Variants in PIP4K2A observed in about 807,000 individuals in gnomAD.
PIP4K2A encodes phosphatidylinositol-5-phosphate 4-kinase type 2 alpha, also known as phosphatidylinositol 5-phosphate 4-kinase type-2 alpha.
Under a neutral mutation model 42.9 loss-of-function variants are expected in PIP4K2A, and 14 were observed. The ratio of observed to expected loss-of-function variants is 0.33; its 90% CI spans 0.22 to 0.51. PIP4K2A has a LOEUF of 0.51. Ranked by LOEUF, PIP4K2A falls within the 20% of genes least tolerant of loss-of-function variation. PIP4K2A has a pLI of 0.97. For synonymous variants in PIP4K2A, 192 were observed against 192.2 expected (o/e 1.00, Z 0.01); for missense variants, 434 against 519.8 (o/e 0.83, Z 1.61).
intron 1 of PIP4K2A, among the ~76,000 whole-genome samples, chr10:22,634,162 T>C (rs1186997915): frequency 1.3e-5 from 2 of 152,232 alleles, no homozygotes; most frequent in Non-Finnish European, 1.5e-5. Context: ...CCTGAGCACC[T>C]GTGAAAACTG....
chr10:22,596,504 A>G (rs1837639149), intron 3 of PIP4K2A, among the ~76,000 whole-genome samples: 1 of 152,240 alleles, frequency 6.6e-6, no homozygotes, highest in Non-Finnish European at 1.5e-5. Context: ...TCTTCAACAC[A>G]GTCACTGTGC....
intron 1 of PIP4K2A, among the ~76,000 whole-genome samples, chr10:22,638,784 G>A (rs891743485): frequency 2.6e-5 from 4 of 152,164 alleles, no homozygotes; most frequent in Admixed American, 6.5e-5. Flanking sequence ...GAAGGACAAA[G>A]TCCAAAAATC....
chr10:22,596,204 T>TGAAAAAAAAA (rs1837630738), intron 3 of PIP4K2A, among the ~76,000 whole-genome samples: 1 of 3,152 alleles, frequency 3.2e-4, no homozygotes, highest in Non-Finnish European at 8.1e-4. Context: ...AAACTCCGTC[T>TGAAAAAAAAA]CAAAAAAAAA....
intron 6 of PIP4K2A, among the ~76,000 whole-genome samples, chr10:22,558,644 A>G (rs1168454059): frequency 2.6e-5 from 4 of 152,244 alleles, no homozygotes; most frequent in Non-Finnish European, 5.9e-5. Context: ...TCATGGTTTG[A>G]GAAATGATCT....
At chr10:22,617,375 T>C (rs1588666233) in intron 1 of PIP4K2A, among the ~76,000 whole-genome samples, 1 of 152,374 alleles carries the variant, frequency 6.6e-6, no homozygotes, top group East Asian at 1.9e-4. Flanking sequence ...CATCTCACAG[T>C]GTGACATTTA....
At chr10:22,570,795 A>G (rs1222758224) in intron 5 of PIP4K2A, among the ~76,000 whole-genome samples, 1 of 152,194 alleles carries the variant, frequency 6.6e-6, no homozygotes, top group Non-Finnish European at 1.5e-5. Flanking sequence ...AGTTTAGCAT[A>G]AGTCAAACAG....
chr10:22,664,136 TATATAC>T lies in PIP4K2A; in HGVS notation c.144+50041_144+50046del, dbSNP rs1317350681. Among the ~76,000 whole-genome samples the T allele has an allele frequency of 1.8e-3, 82 of 46,284 alleles. 4 individuals are homozygous for T. Among genetic ancestry groups the T allele is most frequent in the African/African-American group, 0.016 (71 of 4,312 alleles). 30.4% of individuals were successfully genotyped at this position (46,284 alleles called of 152,430 possible). A position where few individuals can be genotyped will look rare whatever the true frequency, so the allele number is the denominator to read the frequency against. ...ATATACATATATATATATACATATA[TATATAC>T]ATATATATACACATATATATATATA... On this transcript the variant is annotated intron_variant, in intron 1 of 9. Coordinates refer to ENST00000376573, the MANE Select transcript of PIP4K2A (RefSeq NM_005028.5).
intron 6 of PIP4K2A, among the ~76,000 whole-genome samples, chr10:22,554,771 G>T (rs1305829166): frequency 6.6e-6 from 1 of 152,214 alleles, no homozygotes; most frequent in Non-Finnish European, 1.5e-5. Flanking sequence ...GCTGGGAGGG[G>T]ACGAGGGTAT....
chr10:22,692,246 T>G (rs1382411958), intron 1 of PIP4K2A, among the ~76,000 whole-genome samples: 1 of 151,886 alleles, frequency 6.6e-6, no homozygotes, highest in African/African-American at 2.4e-5. Context: ...CAGTTCACAA[T>G]AGGGTTTGCG....
intron 1 of PIP4K2A, among the ~76,000 whole-genome samples, chr10:22,713,078 G>A (rs573209278): frequency 1.9e-4 from 29 of 152,306 alleles, no homozygotes; most frequent in African/African-American, 7.0e-4. Context: ...AGTGACTGCA[G>A]TGGCTAAGGT....
At chr10:22,697,530 G>A (rs1388968397) in intron 1 of PIP4K2A, among the ~76,000 whole-genome samples, 1 of 152,052 alleles carries the variant, frequency 6.6e-6, no homozygotes, top group Non-Finnish European at 1.5e-5. Flanking sequence ...ATCCTACTAG[G>A]CAACACAGCA....
intron 5 of PIP4K2A, 147 bp downstream of exon 5, chr10:22,573,164 G>T: frequency 1.5e-6 from 1 of 674,160 alleles, no homozygotes; most frequent in Non-Finnish European, 2.5e-6. Flanking sequence ...AGCACTTATT[G>T]CCTCACAGGA....
intron 1 of PIP4K2A, among the ~76,000 whole-genome samples, chr10:22,648,419 T>C (rs1838928552): frequency 6.6e-6 from 1 of 152,244 alleles, no homozygotes; most frequent in African/African-American, 2.4e-5. Context: ...ATCTGAAGAA[T>C]ATTTCTTCCA....
intron 1 of PIP4K2A, among the ~76,000 whole-genome samples, chr10:22,664,409 C>A (rs917647336): frequency 2.7e-5 from 4 of 149,998 alleles, no homozygotes; most frequent in African/African-American, 9.8e-5. Flanking sequence ...TATTTTTTAT[C>A]TGTGGTTTTT....
chr10:22,604,789 T>C (rs1837871234), intron 3 of PIP4K2A, among the ~76,000 whole-genome samples: 1 of 152,084 alleles, frequency 6.6e-6, no homozygotes, highest in African/African-American at 2.4e-5. Flanking sequence ...GAAAACAAGG[T>C]TGCTTTTAGT....
intron 1 of PIP4K2A, among the ~76,000 whole-genome samples, chr10:22,611,262 C>T (rs1838030206): frequency 6.6e-6 from 1 of 152,016 alleles, no homozygotes; most frequent in Non-Finnish European, 1.5e-5. Context: ...TGGTGGTGTG[C>T]ACCTGTAGTC....
chr10:22,580,875 C>T (rs1031199427), intron 4 of PIP4K2A, among the ~76,000 whole-genome samples: 9 of 152,196 alleles, frequency 5.9e-5, no homozygotes, highest in African/African-American at 2.2e-4. Context: ...TAATGTCTCG[C>T]TTTACAGACT....
intron 7 of PIP4K2A, 45 bp downstream of exon 7, chr10:22,550,614 T>C (rs748343687): frequency 5.1e-5 from 53 of 1,037,444 alleles, no homozygotes; most frequent in Non-Finnish European, 5.8e-5. Flanking sequence ...CCAACAGGGC[T>C]GATATTTATA....
At chr10:22,673,217 T>C (rs1217719755) in intron 1 of PIP4K2A, among the ~76,000 whole-genome samples, 1 of 152,222 alleles carries the variant, frequency 6.6e-6, no homozygotes, top group African/African-American at 2.4e-5. Context: ...TTGGGTTCCT[T>C]CCCTTACATC....
Sources: gnomAD v4.1 joint callset for allele counts (sites outside exome capture counted in the v4.1 genomes callset) on GRCh38, gnomAD v4.1.1 for gene constraint, MANE v1.5 for transcripts, NCBI Gene and HGNC (gene_info 2026-07-23, HGNC 2026-07-21) for gene names.